Variants in SMG6 observed in about 807,000 individuals in gnomAD.
SMG6 encodes SMG6 nonsense mediated mRNA decay factor, also known as telomerase-binding protein EST1A.
SMG6 carries 66 observed loss-of-function variants against 142.2 expected under a neutral mutation model. That is an observed-to-expected ratio of 0.46 (90% CI 0.38 to 0.57). The LOEUF (loss-of-function observed/expected upper bound fraction) is 0.57, where lower values mean the gene tolerates loss of function less well. SMG6 is among the 20% of genes least tolerant of loss of function. SMG6 has a pLI of 0.00. For synonymous variants in SMG6, 779 were observed against 702.4 expected (o/e 1.11, Z -1.72); for missense variants, 1,793 against 1,832.0 (o/e 0.98, Z 0.39).
chr17:2,203,181 G>GT (rs1200355688), intron 10 of SMG6, among the ~76,000 whole-genome samples: 2 of 152,126 alleles, frequency 1.3e-5, no homozygotes, highest in Admixed American at 6.5e-5. Context: ...AAATAAATAA[G>GT]TAAGTTGCCA....
intron 10 of SMG6, among the ~76,000 whole-genome samples, chr17:2,225,408 T>C (rs1215199890): frequency 2.0e-5 from 3 of 150,664 alleles, no homozygotes; most frequent in Non-Finnish European, 4.4e-5. Context: ...GAGGCTGAGG[T>C]ACAAAAACTG....
At chr17:2,144,102 A>G (rs1016561696) in intron 13 of SMG6, among the ~76,000 whole-genome samples, 1 of 116,610 alleles carries the variant, frequency 8.6e-6, no homozygotes, top group Admixed American at 1.2e-4. Context: ...CTTGTTGCCC[A>G]GGCTGGAGTG....
chr17:2,218,272 A>G (rs9897160), intron 10 of SMG6, among the ~76,000 whole-genome samples: 57,023 of 151,818 alleles, frequency 0.38, 11,009 homozygotes, highest in African/African-American at 0.44. Flanking sequence ...CAAATAGGCC[A>G]GGCGCGGTGG....
intron 10 of SMG6, among the ~76,000 whole-genome samples, chr17:2,196,412 ACT>A (rs1434755258): frequency 2.0e-5 from 3 of 152,086 alleles, no homozygotes; most frequent in Non-Finnish European, 2.9e-5. Flanking sequence ...TGGGTGACAA[ACT>A]CTGTCTCAAA....
In SMG6 at chr17:2,299,023, T is replaced by C; in HGVS notation, c.1730A>G (p.Gln577Arg). ...EEVEQHMRNL[Q>R]QQELHRLLRV... ...GAGAAGCCTGTGCAGCTCCTGTTGC[T>C]GCAGGTTCCTCATGTGCTGCTCTAC... is the stretch of plus-strand genomic sequence containing the variant. The change falls in exon 2 of 19, where the codon CAG (glutamine) becomes CGG (arginine). Residue 577 changes from glutamine (Q) to arginine (R), a missense_variant. Physicochemically the swap from Gln to Arg is conservative, Grantham distance 43. This residue lies in a region of SMG6 where 1,597 missense variants were observed against 1,584.6 expected (regional missense o/e 1.01). Coordinates refer to ENST00000263073, the MANE Select transcript of SMG6 (RefSeq NM_017575.5). This position sits in a 1 kb window ranked among gnomAD's most constrained non-coding sequence, Gnocchi z 4.3. 1 of 1,614,208 alleles carries C rather than the reference T, an allele frequency of 6.2e-7. No homozygotes were observed. The highest frequency in any genetic ancestry group is 8.5e-7 in the Non-Finnish European group (1 of 1,180,038).
At chr17:2,286,752 T>A (rs2074914105) in intron 6 of SMG6, among the ~76,000 whole-genome samples, 1 of 151,982 alleles carries the variant, frequency 6.6e-6, no homozygotes, top group Non-Finnish European at 1.5e-5. Flanking sequence ...AAAGATAAAC[T>A]GGACTTCAGC....
intron 8 of SMG6, among the ~76,000 whole-genome samples, chr17:2,258,440 C>A (rs2074241256): frequency 6.6e-6 from 1 of 151,960 alleles, no homozygotes; most frequent in African/African-American, 2.4e-5. Context: ...TGCCTGTAAT[C>A]CCAGCTACTG....
intron 13 of SMG6, chr17:2,087,351 A>C: frequency 8.3e-7 from 1 of 1,205,052 alleles, no homozygotes; most frequent in Non-Finnish European, 1.1e-6. Context: ...TGCCCAGGAA[A>C]GTGCGGCACA....
At chr17:2,289,941 CATAT>C (rs3055883) in intron 6 of SMG6, among the ~76,000 whole-genome samples, 10,829 of 141,480 alleles carry the variant, frequency 0.077, 591 homozygotes, top group South Asian at 0.22. Context: ...TTATTTTATA[CATAT>C]ATATATATAT....
At chr17:2,136,601 G>A (rs952211943) in intron 13 of SMG6, among the ~76,000 whole-genome samples, 2 of 151,926 alleles carry the variant, frequency 1.3e-5, no homozygotes, top group South Asian at 2.1e-4. Flanking sequence ...ACACGCATAC[G>A]CACACAGAGT....
At position 2,242,302 on chromosome 17, in the gene SMG6, G is replaced by A. The variant is rs1597689682; in HGVS notation, c.2723+2356C>T. On this transcript the variant is annotated intron_variant, in intron 9 of 18. Transcript: ENST00000263073. ...CTGAGGCGGGTGGACCACGAGGTCAGGAGATCGAGACCATCCTGGCTAACG... is the reference window on the plus strand; with the variant it reads ...CTGAGGCGGGTGGACCACGAGGTCAAGAGATCGAGACCATCCTGGCTAACG... Among the ~76,000 whole-genome samples the A allele has an allele frequency of 4.8e-5, 7 of 146,714 alleles. No individual in the cohort carries two copies. The South Asian group carries it at 1.5e-3, about 31-fold the overall frequency.
intron 8 of SMG6, among the ~76,000 whole-genome samples, chr17:2,258,127 C>G (rs889418884): frequency 6.6e-6 from 1 of 151,136 alleles, no homozygotes; most frequent in Non-Finnish European, 1.5e-5. Flanking sequence ...TAGCACACTA[C>G]TCTAAGCACT....
intron 8 of SMG6, among the ~76,000 whole-genome samples, chr17:2,273,813 A>G (rs931648154): frequency 6.6e-6 from 1 of 152,108 alleles, no homozygotes; most frequent in Admixed American, 6.5e-5. Context: ...AAAAACCCAA[A>G]AAAAGCAAGG....
chr17:2,282,120 ATTAC>A (rs2151378635), intron 8 of SMG6, among the ~76,000 whole-genome samples: 1 of 152,308 alleles, frequency 6.6e-6, no homozygotes, highest in Admixed American at 6.5e-5. Flanking sequence ...ACTGTCGATA[ATTAC>A]TTACTGAGTC....
At chr17:2,201,091 A>T (rs1000654573) in intron 10 of SMG6, among the ~76,000 whole-genome samples, 1 of 152,250 alleles carries the variant, frequency 6.6e-6, no homozygotes, top group Non-Finnish European at 1.5e-5. Context: ...AAGGAAAGCT[A>T]CAGAAAATTA....
In SMG6 at chr17:2,282,722, T is replaced by C. The variant is rs758597457; in HGVS notation, c.2586A>G (p.Pro862=). The C allele has an allele frequency of 1.2e-6, 2 of 1,614,170 alleles. No homozygotes were observed. Among genetic ancestry groups the C allele is most frequent in the African/African-American group, 1.3e-5 (1 of 75,042 alleles). The change falls in exon 8 of 19, where the codon CCA becomes CCG. Residue 862 remains proline, a synonymous_variant. Transcript: ENST00000263073. ...RLEIWIHPSH[P]RSSQGTESGK... ...CAGACTCAGTGCCCTGGGAAGACCG[T>C]GGATGGGATGGATGAATCCAGATCT...
At chr17:2,066,695 A>ACACACACACACACACACACACACAC (rs60525218) in intron 16 of SMG6, among the ~76,000 whole-genome samples, 4 of 149,528 alleles carry the variant, frequency 2.7e-5, no homozygotes, top group Non-Finnish European at 5.9e-5. Flanking sequence ...ACACACACAC[A>ACACACACACACACACACACACACAC]ATGCCCATGC....
intron 12 of SMG6, 41 bp from the exon 13 acceptor site, chr17:2,172,900 G>T: frequency 1.3e-6 from 2 of 1,573,632 alleles, no homozygotes; most frequent in South Asian, 1.1e-5. Flanking sequence ...TCTAAAGAGG[G>T]ACCAGTAAAA....
In SMG6 at chr17:2,069,001, C is replaced by T. The variant is rs2068025445; in HGVS notation, c.3682-70G>A. 30 of 1,506,290 alleles carry T rather than the reference C, an allele frequency of 2.0e-5. No individual in the cohort carries two copies. The Middle Eastern group carries it at 7.0e-4, about 35-fold the overall frequency. 93.3% of individuals were successfully genotyped at this position (1,506,290 alleles called of 1,614,324 possible). ...GCAGGTGGGTGAGCCAGGGCCCTGA[C>T]ACTACGGTGTGTCAGCATCCTGCCC... is the stretch of plus-strand genomic sequence containing the variant. On this transcript the variant is annotated intron_variant, in intron 15 of 18. Coordinates refer to ENST00000263073, the MANE Select transcript of SMG6 (RefSeq NM_017575.5).
Sources: allele counts gnomAD v4.1 joint callset (sites outside exome capture counted in the v4.1 genomes callset), GRCh38; gene constraint gnomAD v4.1.1; regional missense constraint gnomAD v4.1.1; non-coding constraint Gnocchi (gnomAD v3.1); transcripts MANE v1.5; gene names NCBI Gene and HGNC (gene_info 2026-07-23, HGNC 2026-07-21).